Variants in ANXA3 observed in about 807,000 individuals in gnomAD.
ANXA3 encodes 35-alpha calcimedin.
Under a neutral mutation model 48.8 loss-of-function variants are expected in ANXA3, and 46 were observed. The observed-to-expected ratio is 0.94, with a 90% CI of 0.74 to 1.21. ANXA3 has a LOEUF of 1.21. ANXA3 is among the 50% of genes most tolerant of loss of function. ANXA3 has a pLI of 0.00. For missense variants in ANXA3, 383 were observed against 378.6 expected (o/e 1.01, Z -0.10); for synonymous variants, 128 against 134.7 (o/e 0.95, Z 0.35).
rs748946062 is a variant in ANXA3 at position 78,595,419 on chromosome 4, G to A, written c.522G>A (p.Leu174=). The A allele has an allele frequency of 1.2e-6, 2 of 1,613,380 alleles. No homozygotes were observed. Among genetic ancestry groups the A allele is most frequent in the Non-Finnish European group, 1.7e-6 (2 of 1,179,820 alleles). Residue 174 remains leucine, a synonymous_variant, in exon 8 of 13, where the codon CTG becomes CTA. Transcript: ENST00000264908. The part of the protein sequence containing the change: ...RDESLKVDEH[L]AKQDAQILYK... ...AAAGTCTGAAAGTGGATGAGCATCTGGCCAAACAAGATGCCCAGGTCAGTA... is the reference window on the plus strand; with the variant it reads ...AAAGTCTGAAAGTGGATGAGCATCTAGCCAAACAAGATGCCCAGGTCAGTA...
intron 2 of ANXA3, 152 bp from the exon 3 acceptor site, chr4:78,573,028 A>G (rs776097107): frequency 2.7e-6 from 2 of 753,318 alleles, no homozygotes; most frequent in South Asian, 2.7e-5. Flanking sequence ...ATAATTTTCC[A>G]AAGGCAATTT....
At chr4:78,565,292 C>G (rs1393005328) in intron 2 of ANXA3, among the ~76,000 whole-genome samples, 1 of 152,158 alleles carries the variant, frequency 6.6e-6, no homozygotes, top group Non-Finnish European at 1.5e-5. Flanking sequence ...CGACTTAGAT[C>G]TTTAACAGAT....
chr4:78,588,793 T>A (rs1723230156), intron 6 of ANXA3, among the ~76,000 whole-genome samples: 2 of 152,140 alleles, frequency 1.3e-5, no homozygotes, highest in Non-Finnish European at 2.9e-5. Flanking sequence ...TCCAGTCCCC[T>A]CTACTCCCCA....
chr4:78,595,275 G>C, intron 7 of ANXA3, 106 bp from the exon 8 acceptor site: 1 of 1,224,146 alleles, frequency 8.2e-7, no homozygotes, highest in Non-Finnish European at 1.2e-6. Flanking sequence ...TGTGCAACCT[G>C]TCCTGCCTTA....
chr4:78,559,209 AG>A (rs1304190365), intron 2 of ANXA3, among the ~76,000 whole-genome samples: 1 of 152,166 alleles, frequency 6.6e-6, no homozygotes, highest in African/African-American at 2.4e-5. Context: ...TCTCCTGAGT[AG>A]GTGGGACCAC....
At chr4:78,557,533 A>G (rs1402197006) in intron 2 of ANXA3, among the ~76,000 whole-genome samples, 3 of 152,154 alleles carry the variant, frequency 2.0e-5, no homozygotes, top group Non-Finnish European at 2.9e-5. Context: ...GGCTAGGAGT[A>G]TGGCTACATC....
intron 12 of ANXA3, among the ~76,000 whole-genome samples, chr4:78,606,755 C>A (rs1723657261): frequency 6.7e-6 from 1 of 150,210 alleles, no homozygotes; most frequent in South Asian, 2.2e-4. Context: ...TCTTTTTAAT[C>A]AGAGTTTTTG....
chr4:78,609,099 TAAAG>T (rs1416605379), intron 12 of ANXA3, among the ~76,000 whole-genome samples: 4 of 152,070 alleles, frequency 2.6e-5, no homozygotes, highest in African/African-American at 9.7e-5. Flanking sequence ...GAACAAGAAA[TAAAG>T]AAAACAGAAA....
chr4:78,574,399 G>A (rs1722906196), intron 3 of ANXA3, among the ~76,000 whole-genome samples: 1 of 152,152 alleles, frequency 6.6e-6, no homozygotes, highest in Non-Finnish European at 1.5e-5. Flanking sequence ...CAGCCTCGAT[G>A]ACAGAGTGAG....
intron 3 of ANXA3, among the ~76,000 whole-genome samples, chr4:78,577,325 T>G (rs2109934474): frequency 6.6e-6 from 1 of 152,286 alleles, no homozygotes; most frequent in Middle Eastern, 3.4e-3. Context: ...CCAGGGTTTT[T>G]GCCTGGATGA....
At chr4:78,559,993 T>G (rs1282336974) in intron 2 of ANXA3, among the ~76,000 whole-genome samples, 1 of 152,210 alleles carries the variant, frequency 6.6e-6, no homozygotes, top group East Asian at 1.9e-4. Flanking sequence ...TCTGCCTATT[T>G]CCTGGGCCTG....
At chr4:78,584,869 TGA>T (rs1208983601) in intron 5 of ANXA3, among the ~76,000 whole-genome samples, 1 of 152,058 alleles carries the variant, frequency 6.6e-6, no homozygotes, top group African/African-American at 2.4e-5. Context: ...CTGACCCCTA[TGA>T]GAGGAGAGAG....
Position 78,567,810 on chromosome 4 carries a change from T to A in ANXA3, c.16-5370T>A, listed in dbSNP as rs564223071. Among the ~76,000 whole-genome samples, 6 of 152,360 alleles carry A rather than the reference T, an allele frequency of 3.9e-5. No individual in the cohort carries two copies. In the East Asian group the frequency reaches 1.2e-3, roughly 29 times the overall value. ...CTGGTAGTCAGGAGGGCAGAATACC[T>A]TTTGTCTTCATAAATCTTTGTCCTG... On this transcript the variant is annotated intron_variant, in intron 2 of 12. Coordinates refer to ENST00000264908, the MANE Select transcript of ANXA3 (RefSeq NM_005139.3).
At chr4:78,571,018 C>CTTTCTTTCTT (rs112621376) in intron 2 of ANXA3, 90 of 151,068 alleles carry the variant, frequency 6.0e-4, no homozygotes, top group African/African-American at 2.1e-3. Context: ...TTCTTTCTTT[C>CTTTCTTTCTT]TTTTTTTTTG....
At chr4:78,583,792 C>T (rs542811818) in intron 5 of ANXA3, among the ~76,000 whole-genome samples, 51 of 152,304 alleles carry the variant, frequency 3.3e-4, no homozygotes, top group African/African-American at 1.1e-3. Context: ...AGCCTTGCCT[C>T]TGGTCTTAAG....
At chr4:78,605,336 G>A (rs745305881) in intron 12 of ANXA3, among the ~76,000 whole-genome samples, 1 of 152,120 alleles carries the variant, frequency 6.6e-6, no homozygotes, top group Admixed American at 6.6e-5. Flanking sequence ...CAGTGTAGTT[G>A]TAATATACAT....
intron 4 of ANXA3, among the ~76,000 whole-genome samples, chr4:78,579,715 G>A (rs190835982): frequency 8.7e-4 from 132 of 152,276 alleles, no homozygotes; most frequent in African/African-American, 3.0e-3. Flanking sequence ...GATCACCTGA[G>A]ATCAGGAGTT....
chr4:78,602,733 C>G (rs1364277481), intron 11 of ANXA3: 1 of 152,414 alleles, frequency 6.6e-6, no homozygotes, highest in African/African-American at 2.4e-5. Flanking sequence ...AAGTCATATC[C>G]TAAGTGAACA....
Position 78,573,200 on chromosome 4 carries a change from AAGAGATTATCC to A in ANXA3, c.40_50del (p.Asp14LeufsTer2). The A allele has an allele frequency of 6.2e-7, 1 of 1,613,326 alleles. No individual in the cohort carries two copies. The highest frequency in any genetic ancestry group is 8.5e-7 in the Non-Finnish European group (1 of 1,179,402). Reference sequence around the variant, plus strand: ...TCTAGGTTGGACACCGAGGAACAGTAAGAGATTATCCAGACTTTAGCCCATCAGTGGATGCT... The same window carrying A: ...TCTAGGTTGGACACCGAGGAACAGTAAGACTTTAGCCCATCAGTGGATGCT... On this transcript the variant is annotated frameshift_variant, in exon 3 of 13. Coordinates refer to ENST00000264908, the MANE Select transcript of ANXA3 (RefSeq NM_005139.3). LOFTEE classifies it high-confidence loss of function.
Sources: gnomAD v4.1 joint callset for allele counts (sites outside exome capture counted in the v4.1 genomes callset) on GRCh38, gnomAD v4.1.1 for gene constraint, MANE v1.5 for transcripts, NCBI Gene and HGNC (gene_info 2026-07-23, HGNC 2026-07-21) for gene names.